The following PDLIM1 variants were observed in gnomAD, a reference collection of about 807,000 sequenced individuals.
The protein encoded by PDLIM1 is PDZ and LIM domain 1.
In PDLIM1, 25 loss-of-function variants were observed where a neutral mutation model predicts 35.2. The ratio of observed to expected loss-of-function variants is 0.71; its 90% CI spans 0.52 to 0.99. The LOEUF (loss-of-function observed/expected upper bound fraction) is 0.99, where lower values mean the gene tolerates loss of function less well. Ranked by LOEUF, PDLIM1 falls within the 50% of genes least tolerant of loss-of-function variation. The pLI is 0.00. For synonymous variants in PDLIM1, 152 were observed against 154.0 expected (o/e 0.99, Z 0.10); for missense variants, 363 against 415.3 (o/e 0.87, Z 1.09).
At chr10:95,252,377 AC>A (rs1397458987) in intron 4 of PDLIM1, among the ~76,000 whole-genome samples, 1 of 152,018 alleles carries the variant, frequency 6.6e-6, no homozygotes, top group African/African-American at 2.4e-5. Context: ...TGGACTTTCT[AC>A]CCCCACCTGT....
chr10:95,260,291 G>A (rs1589511760), intron 4 of PDLIM1, among the ~76,000 whole-genome samples: 1 of 152,184 alleles, frequency 6.6e-6, no homozygotes, highest in Non-Finnish European at 1.5e-5. Flanking sequence ...TGGAATTCAA[G>A]GCTCAGGCCC....
chr10:95,278,658 AAGGGAG>A (rs1266968951), intron 1 of PDLIM1, among the ~76,000 whole-genome samples: 4 of 152,178 alleles, frequency 2.6e-5, no homozygotes, highest in Non-Finnish European at 4.4e-5. Flanking sequence ...TTAGCAAGCG[AAGGGAG>A]AGGAAGAGGA....
intron 1 of PDLIM1, among the ~76,000 whole-genome samples, chr10:95,281,784 G>A (rs907108852): frequency 9.2e-5 from 14 of 152,276 alleles, no homozygotes; most frequent in African/African-American, 3.1e-4. Flanking sequence ...GAGCCACTGC[G>A]TCCAACCAGT....
chr10:95,281,280 TA>T lies in PDLIM1; in HGVS notation c.97-9497del, dbSNP rs113817432. Among the ~76,000 whole-genome samples, 566 of 144,494 alleles carry T rather than the reference TA, an allele frequency of 3.9e-3. 3 individuals carry two copies. The highest frequency in any genetic ancestry group is 1.0e-2 in the African/African-American group (391 of 39,254). 94.8% of individuals were successfully genotyped at this position (144,494 alleles called of 152,430 possible). A position where few individuals can be genotyped will look rare whatever the true frequency, so the allele number is the denominator to read the frequency against. On this transcript the variant is annotated intron_variant, in intron 1 of 6. Transcript: ENST00000329399. ...CCTCTATCTCTTACCAAAACAGACT[TA>T]AAAAAAAAAAAATAGGCCAGGCAGG... is the stretch of plus-strand genomic sequence containing the variant.
chr10:95,282,559 C>T (rs142537442), intron 1 of PDLIM1, among the ~76,000 whole-genome samples: 7 of 152,280 alleles, frequency 4.6e-5, no homozygotes, highest in African/African-American at 1.4e-4. Context: ...ACGTGCTGCT[C>T]TCTCAGTCTG....
chr10:95,265,946 C>T (rs45448893), intron 3 of PDLIM1, among the ~76,000 whole-genome samples: 77 of 150,704 alleles, frequency 5.1e-4, no homozygotes, highest in African/African-American at 1.6e-3. Context: ...TTCCTGTAAT[C>T]GCAGCACTTT....
At chr10:95,260,926 T>TC (rs1255323498) in intron 4 of PDLIM1, among the ~76,000 whole-genome samples, 1 of 152,106 alleles carries the variant, frequency 6.6e-6, no homozygotes, top group Non-Finnish European at 1.5e-5. Context: ...CAAGCTGAGA[T>TC]CCCCCCATAC....
intron 5 of PDLIM1, among the ~76,000 whole-genome samples, chr10:95,242,202 C>T (rs1381951579): frequency 6.6e-6 from 1 of 152,166 alleles, no homozygotes; most frequent in Admixed American, 6.5e-5. Flanking sequence ...GGAGAAACCA[C>T]CTTGGTGCTT....
rs781537863 is a variant in PDLIM1, at chr10:95,247,403, CAG to C, written c.534-39_534-38del. The C allele has an allele frequency of 5.9e-4, 932 of 1,569,314 alleles. 2 individuals carry two copies. The highest frequency in any genetic ancestry group is 7.6e-4 in the Non-Finnish European group (875 of 1,154,212). On this transcript the variant is annotated intron_variant, in intron 4 of 6. Transcript: ENST00000329399. ...GTTTGAAAAATTGATTAGGACATGACAGAAGTTAAAAATAACTTCACCAGGAA... is the reference window on the plus strand; with the variant it reads ...GTTTGAAAAATTGATTAGGACATGACAAGTTAAAAATAACTTCACCAGGAA...
In PDLIM1 at chr10:95,271,664, A is replaced by G; in HGVS notation, c.217T>C (p.Cys73Arg). The G allele has an allele frequency of 6.2e-7, 1 of 1,609,346 alleles. No individual in the cohort carries two copies. Among genetic ancestry groups the G allele is most frequent in the South Asian group, 1.1e-5 (1 of 89,774 alleles). The change falls in exon 2 of 7, where the codon TGC becomes CGC. Residue 73 changes from cysteine (C) to arginine (R), a missense_variant. Coordinates refer to ENST00000329399, the MANE Select transcript of PDLIM1 (RefSeq NM_020992.4). ...ACAGTGAGAGTCAAGTTGTCTGTGC[A>G]GCCTTTGATTCTGTTCTGAGCTTCC... is the stretch of plus-strand genomic sequence containing the variant. ...HLEAQNRIKG[C>R]TDNLTLTVAR...
intron 4 of PDLIM1, among the ~76,000 whole-genome samples, chr10:95,260,209 G>C (rs45439998): frequency 0.022 from 3,421 of 152,292 alleles, 120 homozygotes; most frequent in African/African-American, 0.076. Flanking sequence ...TTCCACCTTA[G>C]ATCTCAGGAG....
intron 5 of PDLIM1, among the ~76,000 whole-genome samples, chr10:95,242,369 G>A (rs535637610): frequency 6.6e-6 from 1 of 151,032 alleles, no homozygotes; most frequent in South Asian, 2.1e-4. Flanking sequence ...CATGATTATT[G>A]AGTTTTCCAG....
At chr10:95,285,275 G>C (rs184101101) in intron 1 of PDLIM1, among the ~76,000 whole-genome samples, 1 of 152,242 alleles carries the variant, frequency 6.6e-6, no homozygotes, top group African/African-American at 2.4e-5. Context: ...CTGAGCTGAG[G>C]CCACAAGGCA....
At chr10:95,247,405 G>C in intron 4 of PDLIM1, 39 bp from the exon 5 acceptor site, 1 of 1,560,610 alleles carries the variant, frequency 6.4e-7, no homozygotes, top group Non-Finnish European at 8.7e-7. Context: ...GGACATGACA[G>C]AAGTTAAAAA....
At chr10:95,238,728 T>G (rs772884124) in intron 5 of PDLIM1, 43 bp from the exon 6 acceptor site, 1 of 1,214,278 alleles carries the variant, frequency 8.2e-7, no homozygotes, top group East Asian at 2.3e-5. Context: ...AAGGGCAGAA[T>G]TGCATAAGTA....
In PDLIM1 at chr10:95,237,767, G is replaced by A; in HGVS notation, c.*158C>T. ...TAAAAGCGGGCATCGCACAGCTGGT[G>A]TGAGTCAATTAACCAAGGCAGGGAG... On this transcript the variant is annotated 3_prime_UTR_variant, in exon 7 of 7. Coordinates refer to ENST00000329399, the MANE Select transcript of PDLIM1 (RefSeq NM_020992.4). The A allele has an allele frequency of 3.2e-6, 2 of 617,518 alleles. No homozygotes were observed. Among genetic ancestry groups the A allele is most frequent in the Non-Finnish European group, 5.7e-6 (2 of 351,878 alleles). The allele number at this position is 617,518 out of a possible 1,614,324, so 38.3% of individuals were successfully genotyped here.
At chr10:95,273,678 T>C (rs2035486160) in intron 1 of PDLIM1, among the ~76,000 whole-genome samples, 1 of 152,196 alleles carries the variant, frequency 6.6e-6, no homozygotes, top group Non-Finnish European at 1.5e-5. Context: ...AGCAGCCTCC[T>C]GATTCAAGGT....
intron 5 of PDLIM1, among the ~76,000 whole-genome samples, chr10:95,239,955 C>A (rs1039294062): frequency 3.9e-5 from 6 of 152,132 alleles, no homozygotes; most frequent in African/African-American, 1.4e-4. Context: ...CGACTCACGC[C>A]AGTCTGAATG....
At chr10:95,264,614 TA>T (rs1284639601) in intron 3 of PDLIM1, among the ~76,000 whole-genome samples, 1 of 151,958 alleles carries the variant, frequency 6.6e-6, no homozygotes, top group Non-Finnish European at 1.5e-5. Flanking sequence ...AGAGCAAGGG[TA>T]AAGGAAATTA....
Sources: allele counts gnomAD v4.1 joint callset (sites outside exome capture counted in the v4.1 genomes callset), GRCh38; gene constraint gnomAD v4.1.1; transcripts MANE v1.5; gene names NCBI Gene and HGNC (gene_info 2026-07-23, HGNC 2026-07-21).